BNC2: variants seen among roughly 807,000 people sequenced by gnomAD.
BNC2 encodes basonuclin zinc finger protein 2.
BNC2 carries 20 observed loss-of-function variants against 76.3 expected under a neutral mutation model. The observed-to-expected ratio is 0.26, with a 90% confidence interval of 0.18 to 0.38. The LOEUF is 0.38. BNC2 is among the 10% of genes least tolerant of loss of function. The pLI, the probability that BNC2 is intolerant of heterozygous loss-of-function variation, is 1.00. For synonymous variants in BNC2, 582 were observed against 514.8 expected, an observed-to-expected ratio of 1.13 and a Z score of -1.77; for missense variants, 1,382 against 1,399.8, an observed-to-expected ratio of 0.99 and a Z score of 0.20.
At chr9:16,539,610 G>A (rs1456679301) in intron 5 of BNC2, among the ~76,000 whole-genome samples, 1 of 74,736 alleles carries the variant, frequency 1.3e-5, no homozygotes, top group East Asian at 4.4e-4. Context: ...GGGAGGGAGA[G>A]AGAGAGAGAA....
intron 5 of BNC2, among the ~76,000 whole-genome samples, chr9:16,511,523 G>A (rs1186184731): frequency 1.3e-5 from 2 of 149,212 alleles, no homozygotes; most frequent in Admixed American, 6.7e-5. Context: ...AACCTCCCAG[G>A]CTCAAGTGAT....
At chr9:16,589,571 C>T (rs1819867079) in intron 3 of BNC2, among the ~76,000 whole-genome samples, 1 of 151,562 alleles carries the variant, frequency 6.6e-6, no homozygotes, top group African/African-American at 2.4e-5. Context: ...TACGGTGGTG[C>T]AATCTCAGCT....
intron 1 of BNC2, among the ~76,000 whole-genome samples, chr9:16,825,052 T>TC: frequency 6.6e-6 from 1 of 151,520 alleles, no homozygotes. Context: ...CTCTTTTTTT[T>TC]TTCTTTCTGT....
Position 16,436,099 on chromosome 9 carries a change from A to G in BNC2, c.2095T>C (p.Cys699Arg), listed in dbSNP as rs1821006316. 3 of 1,614,140 alleles carry G rather than the reference A, an allele frequency of 1.9e-6. No homozygotes were observed. The highest frequency in any genetic ancestry group is 2.5e-6 in the Non-Finnish European group (3 of 1,180,032). ...CTCCTTATTTCAGTCCTTGAAATGC[A>G]CCGGGTCCTGTTATGCTTAGAAAAG... ...KDFSKHNRTR[C>R]ISRTEIRRAD... The change falls in exon 6 of 7, where the codon TGC becomes CGC. Residue 699 changes from cysteine to arginine, a missense_variant. By Grantham distance (180) the Cys-to-Arg change is radical. Transcript: ENST00000380672.
intron 1 of BNC2, among the ~76,000 whole-genome samples, chr9:16,800,004 C>T (rs942096360): frequency 6.6e-6 from 1 of 151,952 alleles, no homozygotes; most frequent in Admixed American, 6.6e-5. Context: ...GTGGGCAGAT[C>T]ACCTGAGATC....
chr9:16,626,757 C>T (rs1197999296), intron 3 of BNC2, among the ~76,000 whole-genome samples: 1 of 151,968 alleles, frequency 6.6e-6, no homozygotes, highest in Non-Finnish European at 1.5e-5. Context: ...TCTCAAATGT[C>T]AACGGTCCCC....
intron 3 of BNC2, among the ~76,000 whole-genome samples, chr9:16,660,454 CA>C (rs545256437): frequency 0.024 from 2,967 of 122,056 alleles, 76 homozygotes; most frequent in African/African-American, 0.066. Context: ...AAGTCCATCT[CA>C]AAAAAAAAAA....
At chr9:16,829,170 C>A (rs111266175) in intron 1 of BNC2, among the ~76,000 whole-genome samples, 1 of 152,174 alleles carries the variant, frequency 6.6e-6, no homozygotes, top group African/African-American at 2.4e-5. Context: ...CCGTCTGGCA[C>A]GGACTTGTGA....
chr9:16,447,269 T>C (rs1821249283), intron 5 of BNC2, among the ~76,000 whole-genome samples: 1 of 152,116 alleles, frequency 6.6e-6, no homozygotes, highest in South Asian at 2.1e-4. Flanking sequence ...AGATTTTGTA[T>C]CTTGATTAGG....
intron 4 of BNC2, among the ~76,000 whole-genome samples, chr9:16,574,008 T>C (rs1819411081): frequency 6.6e-6 from 1 of 152,186 alleles, no homozygotes; most frequent in African/African-American, 2.4e-5. Context: ...GAAGTCACCA[T>C]TTATGACATA....
chr9:16,663,038 A>G (rs1822155818), intron 3 of BNC2, among the ~76,000 whole-genome samples: 1 of 151,362 alleles, frequency 6.6e-6, no homozygotes, highest in Admixed American at 6.6e-5. Flanking sequence ...GCTTCACTAT[A>G]CAGCCAAGTG....
intron 1 of BNC2, among the ~76,000 whole-genome samples, chr9:16,783,293 A>G (rs553779731): frequency 1.3e-5 from 2 of 152,172 alleles, no homozygotes; most frequent in Non-Finnish European, 2.9e-5. Flanking sequence ...CTCACCATAA[A>G]TCTTAACTCA....
chr9:16,623,151 T>C (rs1820908575), intron 3 of BNC2, among the ~76,000 whole-genome samples: 1 of 152,126 alleles, frequency 6.6e-6, no homozygotes, highest in Admixed American at 6.6e-5. Context: ...TTGGAATACG[T>C]TGTTGGACAT....
intron 6 of BNC2, chr9:16,434,824 C>T (rs555668792): frequency 4.4e-6 from 2 of 456,470 alleles, no homozygotes; most frequent in East Asian, 1.4e-4. Context: ...CATGCCTCCC[C>T]TTCTGTGCAT....
intron 1 of BNC2, among the ~76,000 whole-genome samples, chr9:16,812,936 C>T (rs1156920647): frequency 6.6e-6 from 1 of 152,084 alleles, no homozygotes; most frequent in Non-Finnish European, 1.5e-5. Flanking sequence ...TGGCCGGGCG[C>T]GGTGGCTCAC....
At chr9:16,767,154 G>A (rs370187998) in intron 1 of BNC2, among the ~76,000 whole-genome samples, 7 of 152,178 alleles carry the variant, frequency 4.6e-5, no homozygotes, top group East Asian at 3.9e-4. Flanking sequence ...TACAGCCAAC[G>A]TCAGCCCAGA....
chr9:16,817,365 T>C (rs1325195984), intron 1 of BNC2, among the ~76,000 whole-genome samples: 1 of 150,782 alleles, frequency 6.6e-6, no homozygotes, highest in Non-Finnish European at 1.5e-5. Context: ...AAGGTGATAA[T>C]GATGATGATC....
intron 1 of BNC2, among the ~76,000 whole-genome samples, chr9:16,849,715 A>C (rs1302691316): frequency 6.6e-6 from 1 of 152,152 alleles, no homozygotes; most frequent in African/African-American, 2.4e-5. Context: ...AATTGGAAGA[A>C]GTTCAACAAC....
chr9:16,643,149 G>A (rs16934875), intron 3 of BNC2, among the ~76,000 whole-genome samples: 17,849 of 151,608 alleles, frequency 0.12, 2,021 homozygotes, highest in African/African-American at 0.3. Flanking sequence ...GGATTAAAAC[G>A]TATGAGGTTA....
Sources: gnomAD v4.1 joint callset for allele counts (sites outside exome capture counted in the v4.1 genomes callset) on GRCh38, gnomAD v4.1.1 for gene constraint, MANE v1.5 for transcripts, NCBI Gene and HGNC (gene_info 2026-07-23, HGNC 2026-07-21) for gene names.